Variants in GABRG3 observed in about 807,000 individuals in gnomAD.
The protein encoded by GABRG3 is gamma-aminobutyric acid type A receptor subunit gamma3.
GABRG3 carries 25 observed loss-of-function variants against 48.8 expected under a neutral mutation model. The observed-to-expected ratio is 0.51, with a 90% CI of 0.37 to 0.72. The LOEUF (loss-of-function observed/expected upper bound fraction) is 0.72, where lower values mean the gene tolerates loss of function less well. Among genes scored for constraint, GABRG3 ranks in the 30% least tolerant of loss-of-function variants. The probability of loss-of-function intolerance (pLI) is 0.00; values close to 1 mark genes in which losing one functional copy is unlikely to be tolerated. For synonymous variants in GABRG3, 227 were observed against 217.6 expected (o/e 1.04, Z -0.38); for missense variants, 394 against 577.9 (o/e 0.68, Z 3.26).
chr15:27,183,382 A>C (rs1887995458), intron 3 of GABRG3, among the ~76,000 whole-genome samples: 1 of 152,188 alleles, frequency 6.6e-6, no homozygotes, highest in Non-Finnish European at 1.5e-5. Context: ...GGAGGGAAGG[A>C]GTGATGGAGT....
At chr15:27,130,076 T>A (rs1227457790) in intron 3 of GABRG3, among the ~76,000 whole-genome samples, 1 of 150,350 alleles carries the variant, frequency 6.7e-6, no homozygotes, top group East Asian at 1.9e-4. Context: ...AGTTTATCTA[T>A]TTTTTTCTTT....
chr15:27,198,938 T>A (rs1448807894), intron 3 of GABRG3, among the ~76,000 whole-genome samples: 1 of 151,746 alleles, frequency 6.6e-6, no homozygotes, highest in Non-Finnish European at 1.5e-5. Context: ...AAGTGGGAGT[T>A]GAACAATGAG....
intron 3 of GABRG3, among the ~76,000 whole-genome samples, chr15:27,080,481 A>G (rs1566929407): frequency 1.3e-5 from 2 of 152,154 alleles, no homozygotes; most frequent in Admixed American, 1.3e-4. Flanking sequence ...AACATGATTT[A>G]TAGTCATTCT....
Position 27,051,066 on chromosome 15 carries a change from T to C in GABRG3, c.270+24245T>C, listed in dbSNP as rs149541127. ...GGTGTAACCAGATAAATTGAGGCAATAGGACTCAGACCACAAATTCTTTGT... is the reference window on the plus strand; with the variant it reads ...GGTGTAACCAGATAAATTGAGGCAACAGGACTCAGACCACAAATTCTTTGT... On this transcript the variant is annotated intron_variant, in intron 3 of 9. Coordinates refer to ENST00000615808, the MANE Select transcript of GABRG3 (RefSeq NM_033223.5). 1.6e-3 allele frequency among the ~76,000 whole-genome samples: 247 copies of C among 152,342 alleles called. 1 individual carries two copies. Among genetic ancestry groups the C allele is most frequent in the African/African-American group, 5.8e-3 (241 of 41,580 alleles).
At chr15:27,351,996 G>C (rs767582651) in intron 5 of GABRG3, among the ~76,000 whole-genome samples, 2 of 150,884 alleles carry the variant, frequency 1.3e-5, no homozygotes, top group Non-Finnish European at 3.0e-5. Context: ...TGGTGTGTGT[G>C]TGTATATATG....
At chr15:27,129,717 T>G (rs1255540386) in intron 3 of GABRG3, among the ~76,000 whole-genome samples, 1 of 152,096 alleles carries the variant, frequency 6.6e-6, no homozygotes, top group African/African-American at 2.4e-5. Flanking sequence ...TGTTTTGTTT[T>G]TTTTTTTTTC....
intron 3 of GABRG3, among the ~76,000 whole-genome samples, chr15:27,262,459 T>C (rs1566984614): frequency 6.6e-6 from 1 of 152,194 alleles, no homozygotes; most frequent in African/African-American, 2.4e-5. Context: ...CAGTTTCTTC[T>C]CAGGACCCAG....
At chr15:27,182,365 G>C (rs1887958928) in intron 3 of GABRG3, among the ~76,000 whole-genome samples, 1 of 152,146 alleles carries the variant, frequency 6.6e-6, no homozygotes, top group Admixed American at 6.5e-5. Flanking sequence ...AAAATGCCAT[G>C]GACCTAAGAA....
chr15:27,053,848 T>TG (rs1351696458), intron 3 of GABRG3, among the ~76,000 whole-genome samples: 1 of 152,218 alleles, frequency 6.6e-6, no homozygotes, highest in Non-Finnish European at 1.5e-5. Flanking sequence ...GTGGAGGCCG[T>TG]GATCCTAAGT....
chr15:27,106,387 T>TC (rs1897449870), intron 3 of GABRG3, among the ~76,000 whole-genome samples: 1 of 151,782 alleles, frequency 6.6e-6, no homozygotes, highest in African/African-American at 2.4e-5. Context: ...ATTGTATACA[T>TC]TAAGTATATA....
chr15:27,139,321 G>T (rs1051822516), intron 3 of GABRG3, among the ~76,000 whole-genome samples: 1 of 152,138 alleles, frequency 6.6e-6, no homozygotes, highest in Admixed American at 6.5e-5. Flanking sequence ...CAGAGAACCT[G>T]GCATTCTAAT....
rs960527833 is a variant in GABRG3, at chr15:27,480,638, C to G, written c.575-12C>G. Reference sequence around the variant, plus strand: ...GTACCTTCAAGTGCTAATGTTTGCTCTGTGTTTTTAGATGGCTATCCCAAA... The same window carrying G: ...GTACCTTCAAGTGCTAATGTTTGCTGTGTGTTTTTAGATGGCTATCCCAAA... On this transcript the variant is annotated splice_polypyrimidine_tract_variant and intron_variant, in intron 5 of 9. Coordinates refer to ENST00000615808, the MANE Select transcript of GABRG3 (RefSeq NM_033223.5). The G allele has an allele frequency of 4.4e-6, 7 of 1,603,332 alleles. No individual in the cohort carries two copies. Among genetic ancestry groups the G allele is most frequent in the African/African-American group, 1.3e-5 (1 of 74,694 alleles).
intron 5 of GABRG3, among the ~76,000 whole-genome samples, chr15:27,386,377 C>T (rs984668935): frequency 3.9e-5 from 6 of 152,162 alleles, no homozygotes; most frequent in Non-Finnish European, 5.9e-5. Context: ...AGATGAGTGA[C>T]AGCTTAGCAA....
intron 6 of GABRG3, among the ~76,000 whole-genome samples, chr15:27,510,883 A>C (rs1352474179): frequency 6.6e-6 from 1 of 151,944 alleles, no homozygotes; most frequent in Admixed American, 6.5e-5. Context: ...TTGTTTCAAA[A>C]TATGTAATAC....
intron 3 of GABRG3, among the ~76,000 whole-genome samples, chr15:27,043,034 A>G (rs1896304821): frequency 1.3e-5 from 2 of 152,190 alleles, no homozygotes; most frequent in African/African-American, 4.8e-5. Context: ...CAGATGCTCA[A>G]TAACTGTCTT....
At chr15:27,306,535 A>T (rs940404360) in intron 3 of GABRG3, among the ~76,000 whole-genome samples, 5 of 136,784 alleles carry the variant, frequency 3.7e-5, no homozygotes, top group Non-Finnish European at 7.7e-5. Flanking sequence ...TATAAACATA[A>T]ACATATAATA....
intron 3 of GABRG3, among the ~76,000 whole-genome samples, chr15:27,125,597 CAT>C (rs1392511917): frequency 3.9e-5 from 6 of 152,148 alleles, no homozygotes; most frequent in African/African-American, 1.4e-4. Context: ...ATTCCATAAA[CAT>C]GTACAATTTT....
At chr15:27,346,098 GGAAAGAA>G (rs1894361721) in intron 5 of GABRG3, among the ~76,000 whole-genome samples, 1 of 132,622 alleles carries the variant, frequency 7.5e-6, no homozygotes, top group African/African-American at 2.9e-5. Flanking sequence ...AAGAAAGAAA[GGAAAGAA>G]AGAGAAAGGA....
chr15:27,328,903 A>C lies in GABRG3; in HGVS notation c.574+15A>C, dbSNP rs766032257. On this transcript the variant is annotated intron_variant, in intron 5 of 9. Coordinates refer to ENST00000615808, the MANE Select transcript of GABRG3 (RefSeq NM_033223.5). ...TTTCTCCAGCTGTGAGTACCAGTCC[A>C]AGCCCGGGGTGTGCATGCTGTGTGA... 1.4e-5 allele frequency: 22 copies of C among 1,609,936 alleles called. No individual in the cohort carries two copies. The highest frequency in any genetic ancestry group is 5.3e-5 in the African/African-American group (4 of 74,848).
Sources: gnomAD v4.1 joint callset for allele counts (sites outside exome capture counted in the v4.1 genomes callset) on GRCh38, gnomAD v4.1.1 for gene constraint, MANE v1.5 for transcripts, NCBI Gene and HGNC (gene_info 2026-07-23, HGNC 2026-07-21) for gene names.